The following RPL31 variants were observed in gnomAD, a reference collection of about 807,000 sequenced individuals.
RPL31 encodes the protein large ribosomal subunit protein eL31.
For synonymous variants in RPL31, 51 were observed against 55.0 expected, an observed-to-expected ratio of 0.93 and a Z score of 0.32; for missense variants, 95 against 164.0, an observed-to-expected ratio of 0.58 and a Z score of 2.30.
rs543785924 is a variant in RPL31 at position 101,004,352 on chromosome 2, G to A, written c.233+69G>A. 1.4e-4 allele frequency: 216 copies of A among 1,547,158 alleles called. 1 individual carries two copies. In the South Asian group the frequency reaches 2.2e-3, roughly 16 times the overall value. ...ACCAGCTTCACTTAACCCTGCAAGAGCCCATATCAGTTCAGTAATTTGGTT... is the reference window on the plus strand; with the variant it reads ...ACCAGCTTCACTTAACCCTGCAAGAACCCATATCAGTTCAGTAATTTGGTT... On this transcript the variant is annotated intron_variant, in intron 3 of 4. Transcript: ENST00000264258.
chr2:101,008,316 G>GAAGT (rs1169057393), downstream of RPL31: 1 of 1,443,972 alleles, frequency 6.9e-7, no homozygotes. Flanking sequence ...AACCAGGGTG[G>GAAGT]AAGTGTCATT....
At chr2:101,017,282 T>G (rs1172116709) in intron 4 of RPL31, among the ~76,000 whole-genome samples, 1 of 152,164 alleles carries the variant, frequency 6.6e-6, no homozygotes, top group Non-Finnish European at 1.5e-5. Context: ...TTTTTTTTAA[T>G]AAGTAGAAGG....
intron 2 of RPL31, 46 bp downstream of exon 2, chr2:101,002,854 G>A (rs757211325): frequency 1.1e-5 from 16 of 1,435,170 alleles, no homozygotes; most frequent in African/African-American, 4.2e-5. Flanking sequence ...CACGCGTCTG[G>A]TTGTTACCGA....
At chr2:101,008,142 G>C, downstream of RPL31, 1 of 1,613,810 alleles carries the variant, frequency 6.2e-7, no homozygotes, top group Non-Finnish European at 8.5e-7. Context: ...CAGAGCTGCT[G>C]CCTCGCTGCC....
At chr2:101,002,658 G>A in intron 1 of RPL31, 44 bp from the exon 2 acceptor site, 1 of 1,508,686 alleles carries the variant, frequency 6.6e-7, no homozygotes, top group Non-Finnish European at 9.2e-7. Context: ...CTTGGCTTGA[G>A]CTTGTTAAAC....
intron 3 of RPL31, chr2:101,005,241 T>C (rs1278065235): frequency 2.6e-5 from 4 of 152,266 alleles, no homozygotes; most frequent in Non-Finnish European, 5.9e-5. Flanking sequence ...ACGGAGAGGG[T>C]AAGACAGGAC....
intron 4 of RPL31, chr2:101,018,062 G>A: frequency 1.1e-6 from 1 of 875,412 alleles, no homozygotes; most frequent in Admixed American, 2.8e-5. Context: ...ATGTAATGTT[G>A]ACAATCTAGG....
downstream of RPL31, chr2:101,008,134 G>A (rs752796494): frequency 3.0e-5 from 48 of 1,613,868 alleles, 1 homozygote; most frequent in Middle Eastern, 4.5e-3. Flanking sequence ...GCAGCTTCCA[G>A]AGCTGCTGCC....
Position 101,015,150 on chromosome 2 carries a change from G to C in RPL31, c.347-3848G>C, listed in dbSNP as rs563928948. Among the ~76,000 whole-genome samples, 3 of 152,252 alleles carry C rather than the reference G, an allele frequency of 2.0e-5. No homozygotes were observed. In the East Asian group the frequency reaches 5.8e-4, roughly 29 times the overall value. ...CTACAAACCTGTACAGCATGTTACT[G>C]TCCTGAATACTGTAGGCAGCTGGAA... On this transcript the variant is annotated intron_variant, in intron 4 of 4. Coordinates refer to the RPL31 transcript ENST00000409028.
At chr2:101,008,259 C>G, downstream of RPL31, 1 of 1,539,186 alleles carries the variant, frequency 6.5e-7, no homozygotes, top group Non-Finnish European at 8.7e-7. Flanking sequence ...TTTTACAGAA[C>G]TGGATAAATT....
intron 4 of RPL31, among the ~76,000 whole-genome samples, chr2:101,014,981 T>G (rs1389191290): frequency 7.0e-6 from 1 of 142,104 alleles, no homozygotes; most frequent in Non-Finnish European, 1.6e-5. Context: ...TTTTATAGAG[T>G]CATGTGTCAA....
chr2:101,010,883 A>G (rs1389416576), downstream of RPL31: 1 of 733,546 alleles, frequency 1.4e-6, no homozygotes, highest in African/African-American at 2.2e-5. Context: ...CTCCATCTCA[A>G]AAAAAAAAAA....
At chr2:101,007,581 G>A (rs911110080), downstream of RPL31, 3 of 508,654 alleles carry the variant, frequency 5.9e-6, no homozygotes, top group African/African-American at 1.9e-5. Context: ...AGCAAATCCG[G>A]TAAAAATTGT....
At chr2:101,008,359 AAACGACACAGTATTTTT>A, downstream of RPL31, 2 of 1,058,488 alleles carry the variant, frequency 1.9e-6, no homozygotes, top group Non-Finnish European at 2.6e-6. Context: ...AGCTTTGAGA[AAACGACACAGTATTTTT>A]GAAGACACAG....
chr2:101,002,412 C>A, intron 1 of RPL31, 97 bp downstream of exon 1: 1 of 423,012 alleles, frequency 2.4e-6, no homozygotes, highest in Non-Finnish European at 4.3e-6. Flanking sequence ...CCGAGCCAGC[C>A]CGGGGCTCCG....
intron 3 of RPL31, chr2:101,005,099 G>GTGTC (rs1678671675): frequency 6.6e-6 from 1 of 152,314 alleles, no homozygotes; most frequent in Non-Finnish European, 1.5e-5. Flanking sequence ...AGCAGGAGAG[G>GTGTC]TGTCCTCCGA....
At chr2:101,005,826 G>C in intron 3 of RPL31, 133 bp from the exon 4 acceptor site, 1 of 697,826 alleles carries the variant, frequency 1.4e-6, no homozygotes, top group Admixed American at 3.0e-5. Flanking sequence ...CCAGGGAACT[G>C]TAAGTTCTAG....
At chr2:101,011,483 G>A, downstream of RPL31, 1 of 1,613,998 alleles carries the variant, frequency 6.2e-7, no homozygotes, top group Non-Finnish European at 8.5e-7. Context: ...GGGTCTCGAT[G>A]TTGACAACAG....
At chr2:101,017,072 A>AT (rs966298279) in intron 4 of RPL31, among the ~76,000 whole-genome samples, 4 of 135,138 alleles carry the variant, frequency 3.0e-5, no homozygotes, top group African/African-American at 1.0e-4. Flanking sequence ...ACTTAAAAGT[A>AT]TTAAAAAAAA....
Sources: allele counts gnomAD v4.1 joint callset (sites outside exome capture counted in the v4.1 genomes callset), GRCh38; gene constraint gnomAD v4.1.1; transcripts MANE v1.5; gene names NCBI Gene and HGNC (gene_info 2026-07-23, HGNC 2026-07-21).